Variants in RPS16 observed in about 807,000 individuals in gnomAD.
RPS16 encodes the protein small ribosomal subunit protein uS9.
RPS16 carries 2 observed loss-of-function variants against 20.1 expected under a neutral mutation model. That is an observed-to-expected ratio of 0.10 (90% CI 0.04 to 0.31). RPS16 has a LOEUF of 0.31. Among genes scored for constraint, RPS16 ranks in the 10% least tolerant of loss-of-function variants. The pLI is 1.00. For synonymous variants in RPS16, 95 were observed against 76.1 expected (o/e 1.25, Z -1.29); for missense variants, 129 against 198.6 (o/e 0.65, Z 2.11).
rs1229765884 is a variant in RPS16 at position 39,435,678 on chromosome 19, G to C, written c.79C>G (p.Arg27Gly). 6.2e-7 allele frequency: 1 copy of C among 1,613,956 alleles called. No individual in the cohort carries two copies. Among genetic ancestry groups the C allele is most frequent in the South Asian group, 1.1e-5 (1 of 91,092 alleles). ...KTATAVAHCK[R>G]GNGLIKVNGR... ...TTCACCTTGATGAGACCATTGCCGC[G>C]TTTGCAGTGCGCCACAGCTGTCGCT... The change falls in exon 2 of 5, where the codon CGC becomes GGC. Residue 27 changes from arginine (R) to glycine (G), a missense_variant. Physicochemically the swap from Arg to Gly is moderately radical, Grantham distance 125. Coordinates refer to ENST00000251453, the MANE Select transcript of RPS16 (RefSeq NM_001020.6).
chr19:39,435,223 C>T lies in RPS16; in HGVS notation c.150+384G>A, dbSNP rs545466479. ...CTGAGGCAGGAGAATCGCTTTAACC[C>T]GGGAGGCGAAGGTTGCAGTGATCCG... On this transcript the variant is annotated intron_variant, in intron 2 of 4. Coordinates refer to ENST00000251453, the MANE Select transcript of RPS16 (RefSeq NM_001020.6). 25 of 193,580 alleles carry T rather than the reference C, an allele frequency of 1.3e-4. No individual in the cohort carries two copies. In the South Asian group the frequency reaches 2.3e-3, roughly 18 times the overall value. 12.0% of individuals were successfully genotyped at this position (193,580 alleles called of 1,614,324 possible).
chr19:39,433,372 C>T lies in RPS16; in HGVS notation c.342G>A (p.Gln114=). 2 of 1,614,202 alleles carry T rather than the reference C, an allele frequency of 1.2e-6. No homozygotes were observed. Among genetic ancestry groups the T allele is most frequent in the Non-Finnish European group, 1.7e-6 (2 of 1,180,040 alleles). ...SKKEIKDILI[Q]YDRTLLVADP... is the part of the protein sequence containing the mutation. ...CAGCTACCAGCAGGGTCCGGTCATA[C>T]TGGATGAGGATGTCTTTGATCTCCT... The change falls in exon 5 of 5, where the codon CAG becomes CAA. Residue 114 remains glutamine (Q), a synonymous_variant. Transcript: ENST00000251453.
chr19:39,435,782 C>G, intron 1 of RPS16, 66 bp downstream of exon 1: 2 of 1,607,008 alleles, frequency 1.2e-6, no homozygotes, highest in Non-Finnish European at 1.7e-6. Context: ...AGATTCCTGC[C>G]CACCGACCTC....
chr19:39,433,600 A>G (rs897259483), intron 3 of RPS16, 31 bp from the exon 4 acceptor site: 1 of 1,614,250 alleles, frequency 6.2e-7, no homozygotes, highest in Non-Finnish European at 8.5e-7. Flanking sequence ...TAAAGGGTAC[A>G]GGAGCGCTGT....
At chr19:39,435,467 C>G (rs143561062) in intron 2 of RPS16, 140 bp downstream of exon 2, 1 of 647,322 alleles carries the variant, frequency 1.5e-6, no homozygotes, top group African/African-American at 1.8e-5. Flanking sequence ...GCTCTATTGC[C>G]AAATACCCCA....
chr19:39,433,895 T>C (rs760546533), intron 2 of RPS16, 134 bp from the exon 3 acceptor site: 106 of 757,436 alleles, frequency 1.4e-4, no homozygotes, highest in Non-Finnish European at 2.0e-4. Flanking sequence ...AGGGTGTCAC[T>C]CCAAGGCCCT....
In RPS16 at chr19:39,435,738, G is replaced by A. The variant is rs1486173729; in HGVS notation, c.49-30C>T. Reference sequence around the variant, plus strand: ...AAGATACAAGAGAAACAGGGGCCCCGTGAGCTCCGGCTCCAGCTCCCATGT... The same window carrying A: ...AAGATACAAGAGAAACAGGGGCCCCATGAGCTCCGGCTCCAGCTCCCATGT... On this transcript the variant is annotated intron_variant, in intron 1 of 4. Coordinates refer to ENST00000251453, the MANE Select transcript of RPS16 (RefSeq NM_001020.6). 5 of 1,609,586 alleles carry A rather than the reference G, an allele frequency of 3.1e-6. No homozygotes were observed. In the Admixed American group the frequency reaches 5.0e-5, roughly 16 times the overall value.
Position 39,433,512 on chromosome 19 carries a change from GCTCA to G in RPS16, c.295+6_295+9del, listed in dbSNP as rs1303286471. ...CATCTACCTCATGGGAAGGACCCATGCTCACTCACATTTCTGGTAATAGGCCACC... is the reference window on the plus strand; with the variant it reads ...CATCTACCTCATGGGAAGGACCCATGCTCACATTTCTGGTAATAGGCCACC... On this transcript the variant is annotated splice_donor_region_variant and intron_variant, in intron 4 of 4. Transcript: ENST00000251453. 1 of 1,614,104 alleles carries G rather than the reference GCTCA, an allele frequency of 6.2e-7. No homozygotes were observed. Among genetic ancestry groups the G allele is most frequent in the Non-Finnish European group, 8.5e-7 (1 of 1,179,936 alleles).
At chr19:39,434,388 C>G (rs2078848013) in intron 2 of RPS16, 1 of 155,878 alleles carries the variant, frequency 6.4e-6, no homozygotes. Context: ...CCCAACTAGG[C>G]TGGCAGGTCC....
intron 2 of RPS16, chr19:39,435,285 C>T: frequency 3.3e-6 from 1 of 301,578 alleles, no homozygotes. Context: ...GGCGACACAG[C>T]GAGACTCCCT....
Position 39,434,892 on chromosome 19 carries a change from A to G in RPS16, c.150+715T>C, listed in dbSNP as rs150638020. ...AGATATTCTTTCTTTTAAAAGTAGT[A>G]GAGTTCAGAAGGGGCAGAAATCAGA... On this transcript the variant is annotated intron_variant, in intron 2 of 4. Coordinates refer to ENST00000251453, the MANE Select transcript of RPS16 (RefSeq NM_001020.6). 3.9e-5 allele frequency: 6 copies of G among 152,410 alleles called. 1 individual carries two copies. The East Asian group carries it at 1.2e-3, about 29-fold the overall frequency. 9.4% of individuals were successfully genotyped at this position (152,410 alleles called of 1,614,324 possible).
In RPS16 at chr19:39,435,711, G is replaced by A. The variant is rs372013010; in HGVS notation, c.49-3C>T. 4.1e-5 allele frequency: 66 copies of A among 1,613,190 alleles called. No homozygotes were observed. The highest frequency in any genetic ancestry group is 6.7e-5 in the Admixed American group (4 of 60,004). On this transcript the variant is annotated splice_region_variant and splice_polypyrimidine_tract_variant and intron_variant, in intron 1 of 4. Transcript: ENST00000251453. ...TGCGCCACAGCTGTCGCTGTCTTCTGTAAGATACAAGAGAAACAGGGGCCC... is the reference window on the plus strand; with the variant it reads ...TGCGCCACAGCTGTCGCTGTCTTCTATAAGATACAAGAGAAACAGGGGCCC...
chr19:39,433,484 ACC>A, intron 4 of RPS16, 36 bp downstream of exon 4: 1 of 1,612,788 alleles, frequency 6.2e-7, no homozygotes, highest in Non-Finnish European at 8.5e-7. Flanking sequence ...ATCCCCACAC[ACC>A]CATCTACCTC....
chr19:39,435,912 T>C lies in RPS16; in HGVS notation c.-17A>G, dbSNP rs2078860998. On this transcript the variant is annotated 5_prime_UTR_variant, in exon 1 of 5. Transcript: ENST00000251453. ...GGACGGCATGGCTCCGAGCGTGGAC[T>C]AGACAACCTCACCGCGCGGCGCCGC... 7 of 1,603,712 alleles carry C rather than the reference T, an allele frequency of 4.4e-6. No individual in the cohort carries two copies. Among genetic ancestry groups the C allele is most frequent in the African/African-American group, 4.0e-5 (3 of 75,058 alleles).
At chr19:39,434,913 T>C in intron 2 of RPS16, 1 of 152,240 alleles carries the variant, frequency 6.6e-6, no homozygotes, top group East Asian at 1.9e-4. Context: ...GGGGCAGAAA[T>C]CAGACTCTGG....
At chr19:39,435,787 G>C in intron 1 of RPS16, 61 bp downstream of exon 1, 1 of 1,606,110 alleles carries the variant, frequency 6.2e-7, no homozygotes, top group Non-Finnish European at 8.5e-7. Flanking sequence ...CCTGCCCACC[G>C]ACCTCTCCCA....
rs1396627166 is a variant in RPS16, at chr19:39,433,405, A to C, written c.309T>G (p.Ala103=). The C allele has an allele frequency of 2.5e-6, 4 of 1,614,116 alleles. No homozygotes were observed. The highest frequency in any genetic ancestry group is 3.4e-6 in the Non-Finnish European group (4 of 1,180,016). ...GGATGTCTTTGATCTCCTTCTTGGA[A>C]GCCTCATCCACATCTGGCAAGAAGA... The part of the protein sequence containing the change: ...VAYYQKYVDE[A]SKKEIKDILI... Residue 103 remains alanine, a synonymous_variant, in exon 5 of 5, where the codon GCT becomes GCG. Transcript: ENST00000251453.
chr19:39,433,399 C>G lies in RPS16; in HGVS notation c.315G>C (p.Lys105Asn). The change falls in exon 5 of 5, where the codon AAG (lysine) becomes AAC (asparagine). Residue 105 changes from lysine to asparagine, a missense_variant. Lys to Asn is a moderately conservative substitution (Grantham distance 94). Transcript: ENST00000251453. ...YYQKYVDEAS[K>N]KEIKDILIQY... Reference sequence around the variant, plus strand: ...GGATGAGGATGTCTTTGATCTCCTTCTTGGAAGCCTCATCCACATCTGGCA... The same window carrying G: ...GGATGAGGATGTCTTTGATCTCCTTGTTGGAAGCCTCATCCACATCTGGCA... 5.0e-6 allele frequency: 8 copies of G among 1,614,124 alleles called. No homozygotes were observed. The highest frequency in any genetic ancestry group is 6.8e-6 in the Non-Finnish European group (8 of 1,180,030).
intron 2 of RPS16, 180 bp downstream of exon 2, chr19:39,435,427 A>T: frequency 1.7e-6 from 1 of 585,790 alleles, no homozygotes; most frequent in Non-Finnish European, 3.0e-6. Context: ...ACCCCATCTC[A>T]GCTTTTACAT....
Sources: allele counts gnomAD v4.1 joint callset, GRCh38; gene constraint gnomAD v4.1.1; transcripts MANE v1.5; gene names NCBI Gene and HGNC (gene_info 2026-07-23, HGNC 2026-07-21).